The following ERP27 variants were observed in gnomAD, a reference collection of about 807,000 sequenced individuals.
ERP27 encodes endoplasmic reticulum protein 27.
ERP27 carries 23 observed loss-of-function variants against 27.7 expected under a neutral mutation model. The observed-to-expected ratio is 0.83, with a 90% CI of 0.60 to 1.18. The LOEUF (loss-of-function observed/expected upper bound fraction) is 1.18. Ranked by LOEUF, ERP27 falls within the 50% of genes most tolerant of loss-of-function variation. The probability of loss-of-function intolerance (pLI) is 0.00; values close to 1 mark genes in which losing one functional copy is unlikely to be tolerated. For missense variants in ERP27, 363 were observed against 327.9 expected, an observed-to-expected ratio of 1.11 and a Z score of -0.83; for synonymous variants, 159 against 118.3, an observed-to-expected ratio of 1.34 and a Z score of -2.23.
At chr12:14,929,856 T>C (rs986875281) in intron 3 of ERP27, among the ~76,000 whole-genome samples, 1 of 152,220 alleles carries the variant, frequency 6.6e-6, no homozygotes, top group Non-Finnish European at 1.5e-5. Context: ...TAAATGTCTT[T>C]GGTGGCACTG....
At chr12:14,920,210 A>G (rs1169092549) in intron 4 of ERP27, among the ~76,000 whole-genome samples, 2 of 152,202 alleles carry the variant, frequency 1.3e-5, no homozygotes, top group Admixed American at 6.5e-5. Context: ...GGTGATCAGG[A>G]CAGGTGGAGC....
intron 1 of ERP27, 71 bp downstream of exon 1, chr12:14,938,344 C>T (rs1186961183): frequency 6.8e-7 from 1 of 1,474,936 alleles, no homozygotes; most frequent in Non-Finnish European, 9.5e-7. Flanking sequence ...ACCCAGAGAA[C>T]CACCATGCTC....
intron 3 of ERP27, among the ~76,000 whole-genome samples, chr12:14,932,670 C>T (rs1863713809): frequency 6.6e-6 from 1 of 152,138 alleles, no homozygotes; most frequent in Admixed American, 6.5e-5. Flanking sequence ...TTAAATACAT[C>T]ATTGTGATAC....
At chr12:14,930,188 A>G (rs1405118069) in intron 3 of ERP27, among the ~76,000 whole-genome samples, 1 of 152,200 alleles carries the variant, frequency 6.6e-6, no homozygotes, top group Non-Finnish European at 1.5e-5. Context: ...AAATGAAATA[A>G]AATAAAATAG....
intron 3 of ERP27, among the ~76,000 whole-genome samples, chr12:14,932,434 A>C (rs1008311947): frequency 2.6e-5 from 4 of 152,140 alleles, no homozygotes; most frequent in Non-Finnish European, 5.9e-5. Flanking sequence ...GACAGAAGGA[A>C]TAGTCTAGGC....
At chr12:14,923,623 A>G (rs1156939894) in intron 3 of ERP27, among the ~76,000 whole-genome samples, 2 of 152,022 alleles carry the variant, frequency 1.3e-5, no homozygotes, top group African/African-American at 2.4e-5. Context: ...TAATACTGCC[A>G]TGCCATTAGT....
At chr12:14,929,227 G>T in intron 3 of ERP27, 1 of 1,047,454 alleles carries the variant, frequency 9.5e-7, no homozygotes, top group Non-Finnish European at 1.2e-6. Context: ...GGGTGTTTCT[G>T]GACTTAAAGA....
Position 14,917,854 on chromosome 12 carries a change from T to G in ERP27, c.451-551A>C, listed in dbSNP as rs543801208. Reference sequence around the variant, plus strand: ...AGCACCTAGCCCTAGCCACCCCAAATTGGATGACCTGCAGAAACTGCATGA... The same window carrying G: ...AGCACCTAGCCCTAGCCACCCCAAAGTGGATGACCTGCAGAAACTGCATGA... On this transcript the variant is annotated intron_variant, in intron 4 of 6. Transcript: ENST00000266397. 2.0e-5 allele frequency among the ~76,000 whole-genome samples: 3 copies of G among 152,272 alleles called. No individual in the cohort carries two copies. The East Asian group carries it at 5.8e-4, about 29-fold the overall frequency.
intron 3 of ERP27, among the ~76,000 whole-genome samples, chr12:14,921,816 C>T (rs1321946057): frequency 6.6e-6 from 1 of 151,988 alleles, no homozygotes; most frequent in Non-Finnish European, 1.5e-5. Context: ...GGTATGCTGA[C>T]TTTTATGTTG....
intron 3 of ERP27, among the ~76,000 whole-genome samples, chr12:14,923,022 C>T (rs997051855): frequency 6.7e-6 from 1 of 148,414 alleles, no homozygotes; most frequent in South Asian, 2.1e-4. Flanking sequence ...TGCAGTGAGC[C>T]GAGAACGTGC....
chr12:14,932,388 G>A (rs535227801), intron 3 of ERP27, among the ~76,000 whole-genome samples: 2 of 152,250 alleles, frequency 1.3e-5, no homozygotes, highest in Non-Finnish European at 2.9e-5. Context: ...GGTGAGGCTA[G>A]GTGAAAGGGG....
chr12:14,934,782 C>G (rs926277901), intron 3 of ERP27, 74 bp downstream of exon 3: 12 of 1,566,596 alleles, frequency 7.7e-6, no homozygotes, highest in South Asian at 3.4e-5. Context: ...AGAGTCCTTT[C>G]CAGTCTCACA....
Position 14,938,448 on chromosome 12 carries a change from C to T in ERP27, c.61G>A (p.Ala21Thr). The T allele has an allele frequency of 1.9e-6, 3 of 1,614,164 alleles. No individual in the cohort carries two copies. The highest frequency in any genetic ancestry group is 2.5e-6 in the Non-Finnish European group (3 of 1,180,028). ...TTCTCAACTTCTGCAGCAACTTCTG[C>T]AGCCAGCTCACACGTGAGGAGAAAT... Reference protein sequence around the residue: ...LLFLLTCELAAEVAAEVEKSS... With the variant: ...LLFLLTCELATEVAAEVEKSS... The change falls in exon 1 of 7, where the codon GCA becomes ACA. Residue 21 changes from alanine to threonine, a missense_variant. Physicochemically the swap from Ala to Thr is moderately conservative, Grantham distance 58 (BLOSUM62 0). Coordinates refer to ENST00000266397, the MANE Select transcript of ERP27 (RefSeq NM_152321.4).
chr12:14,937,251 T>C (rs1454276377), intron 2 of ERP27, among the ~76,000 whole-genome samples: 1 of 152,082 alleles, frequency 6.6e-6, no homozygotes, highest in Non-Finnish European at 1.5e-5. Context: ...AACTGAGAAA[T>C]GGAAACAGAC....
Position 14,914,603 on chromosome 12 carries a change from CGT to C in ERP27, c.*130_*131del. On this transcript the variant is annotated 3_prime_UTR_variant, in exon 7 of 7. Coordinates refer to ENST00000266397, the MANE Select transcript of ERP27 (RefSeq NM_152321.4). ...GCGTGTGTGTGTGCACGCGTGCGTGCGTGTGTGCACGTGCGTGTGTGTGTGGT... is the reference window on the plus strand; with the variant it reads ...GCGTGTGTGTGTGCACGCGTGCGTGCGTGTGCACGTGCGTGTGTGTGTGGT... 3.0e-6 allele frequency: 2 copies of C among 663,768 alleles called. No homozygotes were observed. The highest frequency in any genetic ancestry group is 5.2e-6 in the Non-Finnish European group (2 of 385,796). The allele number at this position is 663,768 out of a possible 1,614,324, so 41.1% of individuals were successfully genotyped here. A position where few individuals can be genotyped will look rare whatever the true frequency, so the allele number is the denominator to read the frequency against.
intron 4 of ERP27, among the ~76,000 whole-genome samples, chr12:14,918,651 C>G (rs549279497): frequency 2.6e-5 from 4 of 152,292 alleles, no homozygotes; most frequent in Admixed American, 2.6e-4. Context: ...AATCTTTGGT[C>G]AGAGTCTTAG....
intron 2 of ERP27, 134 bp from the exon 3 acceptor site, chr12:14,935,127 C>A: frequency 4.8e-6 from 7 of 1,454,808 alleles, no homozygotes; most frequent in Non-Finnish European, 6.3e-6. Context: ...ACATGATTTA[C>A]CCCTAACAAT....
At chr12:14,929,143 C>T in intron 3 of ERP27, 2 of 1,441,820 alleles carry the variant, frequency 1.4e-6, no homozygotes, top group Non-Finnish European at 1.8e-6. Flanking sequence ...AAGAATCCCC[C>T]CCTCCCTGTA....
chr12:14,936,853 T>A (rs188339322), intron 2 of ERP27, among the ~76,000 whole-genome samples: 234 of 152,234 alleles, frequency 1.5e-3, no homozygotes, highest in Non-Finnish European at 2.6e-3. Flanking sequence ...CTTTCCTTTA[T>A]AAATTATCCA....
Sources: gnomAD v4.1 joint callset for allele counts (sites outside exome capture counted in the v4.1 genomes callset) on GRCh38, gnomAD v4.1.1 for gene constraint, MANE v1.5 for transcripts, NCBI Gene and HGNC (gene_info 2026-07-23, HGNC 2026-07-21) for gene names.